The following C1orf185 variants were observed in gnomAD, a reference collection of about 807,000 sequenced individuals.
C1orf185 encodes the protein uncharacterized protein C1orf185.
A neutral mutation model predicts 16.1 loss-of-function variants in C1orf185; 13 were observed. The observed-to-expected ratio is 0.81, with a 90% CI of 0.53 to 1.28. The LOEUF (loss-of-function observed/expected upper bound fraction) is 1.28, where lower values mean the gene tolerates loss of function less well. Ranked by LOEUF, C1orf185 falls within the 50% of genes most tolerant of loss-of-function variation. C1orf185 has a pLI of 0.00. For synonymous variants in C1orf185, 80 were observed against 76.9 expected, an observed-to-expected ratio of 1.04 and a Z score of -0.21; for missense variants, 220 against 225.2, an observed-to-expected ratio of 0.98 and a Z score of 0.15.
chr1:51,109,065 T>A (rs1159795098), intron 1 of C1orf185, among the ~76,000 whole-genome samples: 2 of 152,200 alleles, frequency 1.3e-5, no homozygotes, highest in Non-Finnish European at 2.9e-5. Context: ...CCCCTTTCTC[T>A]GCATCCTTGC....
downstream of C1orf185, among the ~76,000 whole-genome samples, chr1:51,150,352 C>G (rs1646424815): frequency 6.6e-6 from 1 of 152,046 alleles, no homozygotes; most frequent in African/African-American, 2.4e-5. Context: ...GCCAACACGT[C>G]CAGCTAATTT....
At chr1:51,115,074 G>A (rs1272921044) in intron 2 of C1orf185, among the ~76,000 whole-genome samples, 1 of 152,184 alleles carries the variant, frequency 6.6e-6, no homozygotes, top group Non-Finnish European at 1.5e-5. Context: ...GCCGGGCGCA[G>A]TGGCTGACGT....
chr1:51,138,839 C>G (rs1355764563), intron 3 of C1orf185, among the ~76,000 whole-genome samples: 1 of 152,094 alleles, frequency 6.6e-6, no homozygotes, highest in East Asian at 1.9e-4. Flanking sequence ...AGGTGTGCGC[C>G]CCTATGCCCA....
chr1:51,147,391 C>T (rs1237020934), intron 4 of C1orf185, 76 bp from the exon 5 acceptor site: 1 of 1,300,804 alleles, frequency 7.7e-7, no homozygotes, highest in Non-Finnish European at 1.0e-6. Flanking sequence ...CATTATCCTG[C>T]CCATTCTGAC....
intron 3 of C1orf185, among the ~76,000 whole-genome samples, chr1:51,125,430 T>C (rs1355528532): frequency 6.6e-6 from 1 of 152,186 alleles, no homozygotes; most frequent in East Asian, 1.9e-4. Flanking sequence ...GTTTTAAGTT[T>C]TTAGTAACAC....
intron 1 of C1orf185, among the ~76,000 whole-genome samples, chr1:51,110,918 G>A (rs949684203): frequency 3.3e-5 from 5 of 149,734 alleles, no homozygotes; most frequent in Non-Finnish European, 7.4e-5. Flanking sequence ...GCAGTGAGCC[G>A]AGATCTCACC....
intron 1 of C1orf185, among the ~76,000 whole-genome samples, chr1:51,108,616 T>C (rs1646090862): frequency 1.3e-5 from 2 of 152,270 alleles, no homozygotes; most frequent in East Asian, 3.9e-4. Flanking sequence ...GTAACCACCA[T>C]TTTACTCTCT....
At chr1:51,115,201 G>T (rs988920184) in intron 2 of C1orf185, among the ~76,000 whole-genome samples, 2 of 152,070 alleles carry the variant, frequency 1.3e-5, no homozygotes, top group African/African-American at 4.8e-5. Context: ...AATCGGGCAT[G>T]GTCGTTCATG....
chr1:51,132,777 A>G (rs1330646734), intron 3 of C1orf185, among the ~76,000 whole-genome samples: 1 of 152,156 alleles, frequency 6.6e-6, no homozygotes, highest in Non-Finnish European at 1.5e-5. Context: ...TCCAAGGTCA[A>G]AATGAAAGAA....
intron 3 of C1orf185, among the ~76,000 whole-genome samples, chr1:51,141,662 G>T (rs1646365347): frequency 6.6e-6 from 1 of 152,086 alleles, no homozygotes; most frequent in Non-Finnish European, 1.5e-5. Context: ...GTGTGTATGG[G>T]TGTGTATTTT....
At chr1:51,128,090 T>C (rs1390065645) in intron 3 of C1orf185, among the ~76,000 whole-genome samples, 2 of 151,846 alleles carry the variant, frequency 1.3e-5, no homozygotes, top group Non-Finnish European at 2.9e-5. Flanking sequence ...GGTTTCACCA[T>C]GTTGACCAGG....
chr1:51,137,226 A>G (rs934821135), intron 3 of C1orf185, among the ~76,000 whole-genome samples: 2 of 152,172 alleles, frequency 1.3e-5, no homozygotes, highest in African/African-American at 4.8e-5. Context: ...CTCACCAGTC[A>G]GAATGGCTGT....
intron 3 of C1orf185, among the ~76,000 whole-genome samples, chr1:51,143,730 G>A (rs992470914): frequency 2.0e-5 from 3 of 152,176 alleles, no homozygotes; most frequent in African/African-American, 7.2e-5. Context: ...GTGGCTTGAT[G>A]CGGCTCACTG....
At chr1:51,126,751 AC>A (rs1646243327) in intron 3 of C1orf185, among the ~76,000 whole-genome samples, 1 of 152,220 alleles carries the variant, frequency 6.6e-6, no homozygotes, top group African/African-American at 2.4e-5. Flanking sequence ...TAAGAAACCA[AC>A]ACTGGTACAT....
chr1:51,126,076 G>T (rs779993529), intron 3 of C1orf185, among the ~76,000 whole-genome samples: 2 of 152,104 alleles, frequency 1.3e-5, no homozygotes, highest in Non-Finnish European at 2.9e-5. Flanking sequence ...GGTTCTGCAC[G>T]TGGTTAATTT....
chr1:51,118,656 TATTTTTCAGAGAA>T lies in C1orf185; in HGVS notation c.123-7_128del. ...AGGTTTAATAATATTCTTTATAAAA[TATTTTTCAGAGAA>T]ATATTTCAAAATTCCAAATTTAAAG... On this transcript the variant is annotated splice_acceptor_variant and splice_polypyrimidine_tract_variant and coding_sequence_variant and intron_variant, in exon 3 of 5. Transcript: ENST00000371759. LOFTEE classifies it high-confidence loss of function. The T allele has an allele frequency of 1.5e-6, 2 of 1,333,780 alleles. No individual in the cohort carries two copies. Among genetic ancestry groups the T allele is most frequent in the South Asian group, 3.6e-5 (2 of 54,800 alleles). The allele number at this position is 1,333,780 out of a possible 1,614,324, so 82.6% of individuals were successfully genotyped here.
At chr1:51,149,673 C>T (rs1646420545), downstream of C1orf185, among the ~76,000 whole-genome samples, 14 of 152,032 alleles carry the variant, frequency 9.2e-5, 1 homozygote, top group South Asian at 2.9e-3. Flanking sequence ...AGAGGAAATA[C>T]AAACTGGGGA....
intron 1 of C1orf185, among the ~76,000 whole-genome samples, chr1:51,109,756 T>G (rs1009842835): frequency 1.6e-4 from 24 of 152,182 alleles, no homozygotes; most frequent in African/African-American, 1.9e-4. Flanking sequence ...TATGTTTCTG[T>G]TTTTTATGCC....
intron 3 of C1orf185, among the ~76,000 whole-genome samples, chr1:51,134,536 CA>C (rs1646308552): frequency 6.6e-6 from 1 of 150,562 alleles, no homozygotes; most frequent in African/African-American, 2.4e-5. Flanking sequence ...AAAAAACATT[CA>C]AAAGATCAAT....
Sources: gnomAD v4.1 joint callset for allele counts (sites outside exome capture counted in the v4.1 genomes callset) on GRCh38, gnomAD v4.1.1 for gene constraint, MANE v1.5 for transcripts, NCBI Gene and HGNC (gene_info 2026-07-23, HGNC 2026-07-21) for gene names.